The following RASAL1 variants were observed in gnomAD, a reference collection of about 807,000 sequenced individuals.
The protein encoded by RASAL1 is rasGAP-activating-like protein 1.
RASAL1 carries 72 observed loss-of-function variants against 96.6 expected under a neutral mutation model. The observed-to-expected ratio is 0.75, with a 90% CI of 0.62 to 0.91. The LOEUF (loss-of-function observed/expected upper bound fraction) is 0.91. Ranked by LOEUF, RASAL1 falls within the 40% of genes least tolerant of loss-of-function variation. The pLI, the probability that RASAL1 is intolerant of heterozygous loss-of-function variation, is 0.00. For synonymous variants in RASAL1, 405 were observed against 430.4 expected, an observed-to-expected ratio of 0.94 and a Z score of 0.73; for missense variants, 1,016 against 1,072.5, an observed-to-expected ratio of 0.95 and a Z score of 0.74.
chr12:113,114,231 G>A (rs982946772), intron 12 of RASAL1, among the ~76,000 whole-genome samples: 4 of 152,038 alleles, frequency 2.6e-5, no homozygotes, highest in Non-Finnish European at 5.9e-5. Flanking sequence ...CCAGCACTTC[G>A]GGAGACCAAG....
rs1236879671 is a variant in RASAL1 at position 113,112,232 on chromosome 12, T to A, written c.1228A>T (p.Thr410Ser). The change falls in exon 13 of 21, where the codon ACC becomes TCC. Residue 410 changes from threonine (T) to serine (S), a missense_variant. Physicochemically the swap from Thr to Ser is moderately conservative, Grantham distance 58 (BLOSUM62 1). Transcript: ENST00000548055. ...GALSEEQMRE[T>S]SLGLLTGYLG... Reference sequence around the variant, plus strand: ...TAGCCCGTCAGCAGCCCCAGGCTGGTCTCCCGCATCTGCTCCTCCGAGAGT... The same window carrying A: ...TAGCCCGTCAGCAGCCCCAGGCTGGACTCCCGCATCTGCTCCTCCGAGAGT... The A allele has an allele frequency of 2.4e-6, 3 of 1,266,414 alleles. No homozygotes were observed. 78.4% of individuals were successfully genotyped at this position (1,266,414 alleles called of 1,614,324 possible).
chr12:113,119,350 C>T lies in RASAL1; in HGVS notation c.510+12G>A. ...GCCCCACTCCTTCCTGGCTTCATTC[C>T]CCACCACTCACTGAGGTCTCCAAGC... On this transcript the variant is annotated intron_variant, in intron 6 of 20. Transcript: ENST00000548055. 5.6e-6 allele frequency: 9 copies of T among 1,613,192 alleles called. No individual in the cohort carries two copies. Among genetic ancestry groups the T allele is most frequent in the Non-Finnish European group, 7.6e-6 (9 of 1,179,600 alleles).
chr12:113,135,816 G>T (rs906567886), upstream of RASAL1: 17 of 214,816 alleles, frequency 7.9e-5, no homozygotes, highest in South Asian at 8.6e-4. The surrounding 1 kb of genome is among the most constrained non-coding windows in gnomAD (Gnocchi z 5.7). Context: ...CGCCTCCAAT[G>T]GGGTCCCCCA....
At chr12:113,110,439 A>G (rs1180796758) in intron 13 of RASAL1, among the ~76,000 whole-genome samples, 1 of 152,206 alleles carries the variant, frequency 6.6e-6, no homozygotes, top group African/African-American at 2.4e-5. Flanking sequence ...CATCAGCACT[A>G]CGTAAGAGTT....
chr12:113,107,382 G>A, intron 14 of RASAL1, 141 bp from the exon 15 acceptor site: 1 of 994,734 alleles, frequency 1.0e-6, no homozygotes, highest in Non-Finnish European at 1.5e-6. Context: ...CAGCACTTTG[G>A]GAGGCCGAAG....
rs1315374825 is a variant in RASAL1 at position 113,115,068 on chromosome 12, C to T, written c.1068+132G>A. ...AGGTGCAACTCAGGGCAAGGCCGGG[C>T]ACCAGCCGCCAGCACTGCAGCTCGG... On this transcript the variant is annotated intron_variant, in intron 11 of 20. Coordinates refer to ENST00000548055, the MANE Select transcript of RASAL1 (RefSeq NM_001301202.2). This position sits in a 1 kb window ranked among gnomAD's most constrained non-coding sequence, Gnocchi z 4.1. 8.7e-7 allele frequency: 1 copy of T among 1,150,216 alleles called. No individual in the cohort carries two copies. Among genetic ancestry groups the T allele is most frequent in the Non-Finnish European group, 1.3e-6 (1 of 769,806 alleles). 71.3% of individuals were successfully genotyped at this position (1,150,216 alleles called of 1,614,324 possible).
intron 7 of RASAL1, 68 bp downstream of exon 7, chr12:113,119,060 G>A (rs892068886): frequency 3.9e-5 from 58 of 1,504,962 alleles, no homozygotes; most frequent in East Asian, 9.1e-5. Context: ...GGCTCAGCCC[G>A]TCTCATCTTT....
chr12:113,106,954 C>G, intron 15 of RASAL1, 143 bp downstream of exon 15: 1 of 953,406 alleles, frequency 1.0e-6, no homozygotes, highest in Non-Finnish European at 1.6e-6. Flanking sequence ...GGGCCTAGCA[C>G]AGTAAGTATC....
chr12:113,100,156 T>C (rs1426273982), intron 20 of RASAL1, 88 bp from the exon 21 acceptor site: 3 of 1,397,260 alleles, frequency 2.1e-6, no homozygotes, highest in Non-Finnish European at 2.9e-6. Context: ...ATGCTGAAGA[T>C]GTGCCTTGTG....
At chr12:113,102,455 G>A (rs1950483245) in intron 18 of RASAL1, among the ~76,000 whole-genome samples, 1 of 152,192 alleles carries the variant, frequency 6.6e-6, no homozygotes, top group African/African-American at 2.4e-5. Context: ...CTACTTGGGA[G>A]GCTGAGGCAG....
Position 113,115,627 on chromosome 12 carries a change from C to T in RASAL1, c.1003+8G>A, listed in dbSNP as rs756876941. 2 of 1,612,052 alleles carry T rather than the reference C, an allele frequency of 1.2e-6. No individual in the cohort carries two copies. The highest frequency in any genetic ancestry group is 2.2e-5 in the South Asian group (2 of 90,862). On this transcript the variant is annotated splice_region_variant and intron_variant, in intron 10 of 20. Transcript: ENST00000548055. This position sits in a 1 kb window ranked among gnomAD's most constrained non-coding sequence, Gnocchi z 4.1. ...GCGGTGATGTCGGGGGTTGTGCGGG[C>T]AACTCACTGGTCCGAGCCACCTCAC... is the stretch of plus-strand genomic sequence containing the variant.
Position 113,104,363 on chromosome 12 carries a change from G to A in RASAL1, c.1831-65C>T, listed in dbSNP as rs1055624673. ...TAGGGCCGGGGTGGGGACACCTTCC[G>A]TCTGGTTGTGTGCAGCAGGTGGAGT... On this transcript the variant is annotated intron_variant, in intron 16 of 20. Transcript: ENST00000548055. The A allele has an allele frequency of 2.1e-5, 31 of 1,458,656 alleles. No homozygotes were observed. The Middle Eastern group carries it at 5.2e-4, about 25-fold the overall frequency. 90.4% of individuals were successfully genotyped at this position (1,458,656 alleles called of 1,614,324 possible). A position where few individuals can be genotyped will look rare whatever the true frequency, so the allele number is the denominator to read the frequency against.
In RASAL1 at chr12:113,115,688, C is replaced by T. The variant is rs1275238964; in HGVS notation, c.950G>A (p.Gly317Glu). The T allele has an allele frequency of 6.8e-6, 11 of 1,613,912 alleles. No individual in the cohort carries two copies. The highest frequency in any genetic ancestry group is 1.7e-5 in the Admixed American group (1 of 60,014). The change falls in exon 10 of 21, where the codon GGA becomes GAA. Residue 317 changes from glycine to glutamate, a missense_variant. By Grantham distance (98) the Gly-to-Glu change is moderately conservative. Coordinates refer to ENST00000548055, the MANE Select transcript of RASAL1 (RefSeq NM_001301202.2). This position sits in a 1 kb window ranked among gnomAD's most constrained non-coding sequence, Gnocchi z 4.1. ...ATAGTCCAGAAAGCGCCCAGCCAGTCCCCGGCCAAGAAAGAGTTTCACCAG... is the reference window on the plus strand; with the variant it reads ...ATAGTCCAGAAAGCGCCCAGCCAGTTCCCGGCCAAGAAAGAGTTTCACCAG... ...TKLVKLFLGR[G>E]LAGRFLDYLT...
intron 1 of RASAL1, among the ~76,000 whole-genome samples, chr12:113,132,681 A>C (rs1333853028): frequency 6.6e-6 from 1 of 152,036 alleles, no homozygotes. Context: ...TCCAACCTGA[A>C]CCTATCTTGC....
rs191931666 is a variant in RASAL1, at chr12:113,129,092, G to A, written c.123-914C>T. Among the ~76,000 whole-genome samples the A allele has an allele frequency of 5.3e-4, 80 of 152,330 alleles. No homozygotes were observed. The highest frequency in any genetic ancestry group is 1.7e-3 in the African/African-American group (70 of 41,574). ...CCTGTGCTGGGCTCCAGGGATCAGA[G>A]GAACAGGTGTCAGGGCTGCTTACCC... On this transcript the variant is annotated intron_variant, in intron 2 of 20. Coordinates refer to ENST00000548055, the MANE Select transcript of RASAL1 (RefSeq NM_001301202.2). This position sits in a 1 kb window ranked among gnomAD's most constrained non-coding sequence, Gnocchi z 5.0.
Position 113,119,584 on chromosome 12 carries a change from C to T in RASAL1, c.429-141G>A, listed in dbSNP as rs559299216. 168 of 804,814 alleles carry T rather than the reference C, an allele frequency of 2.1e-4. No homozygotes were observed. The African/African-American group carries it at 2.5e-3, about 12-fold the overall frequency. 49.9% of individuals were successfully genotyped at this position (804,814 alleles called of 1,614,324 possible). A position where few individuals can be genotyped will look rare whatever the true frequency, so the allele number is the denominator to read the frequency against. Reference sequence around the variant, plus strand: ...ATGTAGGGGTCCAGCTAGGGACACCCCTAACCATGACCGTCCAAACCCAGT... The same window carrying T: ...ATGTAGGGGTCCAGCTAGGGACACCTCTAACCATGACCGTCCAAACCCAGT... On this transcript the variant is annotated intron_variant, in intron 5 of 20. Transcript: ENST00000548055.
intron 17 of RASAL1, 35 bp downstream of exon 17, chr12:113,104,126 G>A (rs1474924694): frequency 2.5e-6 from 4 of 1,589,312 alleles, no homozygotes; most frequent in Middle Eastern, 1.7e-4. Flanking sequence ...GGAACAGAGG[G>A]ACGCCCCCCG....
chr12:113,128,650 C>G (rs935209487), intron 2 of RASAL1, among the ~76,000 whole-genome samples: 1 of 152,122 alleles, frequency 6.6e-6, no homozygotes, highest in Non-Finnish European at 1.5e-5. Flanking sequence ...GATACACACA[C>G]ACGGATTCAC....
chr12:113,100,123 T>C (rs1439102207), intron 20 of RASAL1, 55 bp from the exon 21 acceptor site: 2 of 1,500,702 alleles, frequency 1.3e-6, no homozygotes, highest in Non-Finnish European at 1.8e-6. Flanking sequence ...CAGGCTGCTG[T>C]AACCCGGACC....
Sources: allele counts gnomAD v4.1 joint callset (sites outside exome capture counted in the v4.1 genomes callset), GRCh38; gene constraint gnomAD v4.1.1; non-coding constraint Gnocchi (gnomAD v3.1); transcripts MANE v1.5; gene names NCBI Gene and HGNC (gene_info 2026-07-23, HGNC 2026-07-21).